The following FMR1 variants were observed in gnomAD, a reference collection of about 807,000 sequenced individuals.
The protein encoded by FMR1 is FMRP translational regulator 1.
A neutral mutation model predicts 50.6 loss-of-function variants in FMR1; 13 were observed. The observed-to-expected ratio is 0.26, with a 90% CI of 0.17 to 0.41. The LOEUF is 0.41. FMR1 is among the 10% of genes least tolerant of loss of function. The pLI, the probability that FMR1 is intolerant of heterozygous loss-of-function variation, is 1.00. For missense variants in FMR1, 316 were observed against 491.3 expected (o/e 0.64, Z 3.37); for synonymous variants, 138 against 164.1 (o/e 0.84, Z 1.22).
At chrX:147,925,469 T>C in intron 2 of FMR1, 71 bp from the exon 3 acceptor site, 1 of 804,529 alleles carries the variant, frequency 1.2e-6, no homozygotes, top group Non-Finnish European at 1.9e-6. Context: ...CAAAAGTTGA[T>C]GGCAGAGTGG....
rs1469017588 is a variant in FMR1 at position 147,916,669 on chromosome X, GTTTGTTTC to G, written c.51+4452_51+4459del. ...TTCATTTCTCTCCTTTGCTCCTTTA[GTTTGTTTC>G]TTTGTTTCTTTGGTTTGTTTCTTTG... On this transcript the variant is annotated intron_variant, in intron 1 of 16. Coordinates refer to ENST00000370475, the MANE Select transcript of FMR1 (RefSeq NM_002024.6). Among the ~76,000 whole-genome samples, 5 of 87,951 alleles carry G rather than the reference GTTTGTTTC, an allele frequency of 5.7e-5. No individual in the cohort carries two copies. In the South Asian group the frequency reaches 2.2e-3, roughly 38 times the overall value. The allele number at this position is 87,951 out of a possible 115,157, so 76.4% of individuals were successfully genotyped here.
intron 12 of FMR1, among the ~76,000 whole-genome samples, chrX:147,939,918 AAAAG>A (rs1352178954): frequency 1.9e-5 from 2 of 105,972 alleles, no homozygotes; most frequent in Non-Finnish European, 3.9e-5. Context: ...AAAAAAAAAA[AAAAG>A]AGGCGGAGGC....
chrX:147,912,839 C>G (rs1557174193), intron 1 of FMR1: 2 of 296,826 alleles, frequency 6.7e-6, no homozygotes, highest in East Asian at 9.5e-5. Flanking sequence ...AGTGGCTTCT[C>G]TTTGTGGATT....
chrX:147,915,014 G>A (rs73606765), intron 1 of FMR1, among the ~76,000 whole-genome samples: 1,133 of 111,406 alleles, frequency 0.01, 19 homozygotes, highest in African/African-American at 0.035. Context: ...TACTAAAGAT[G>A]GAAAAATCAC....
intron 3 of FMR1, among the ~76,000 whole-genome samples, chrX:147,926,913 G>A (rs782522885): frequency 9.8e-4 from 107 of 109,367 alleles, no homozygotes; most frequent in Admixed American, 7.9e-3. Context: ...GAGTCTTAAA[G>A]AAAAAAAAAG....
chrX:147,918,968 T>C (rs1276297790), intron 1 of FMR1, among the ~76,000 whole-genome samples: 2 of 111,376 alleles, frequency 1.8e-5, no homozygotes, highest in Non-Finnish European at 3.8e-5. Context: ...TAGTCTTGGG[T>C]AGATACTTGA....
chrX:147,932,322 G>A, intron 7 of FMR1, 103 bp from the exon 8 acceptor site: 1 of 712,165 alleles, frequency 1.4e-6, no homozygotes, highest in Non-Finnish European at 2.2e-6. Flanking sequence ...AATAATTTAT[G>A]GACCCCTCAT....
chrX:147,918,644 A>G, intron 1 of FMR1, among the ~76,000 whole-genome samples: 1 of 100,978 alleles, frequency 9.9e-6, no homozygotes, highest in Non-Finnish European at 2.0e-5. Flanking sequence ...GGAAATAAGC[A>G]AATGTAGATA....
Position 147,941,673 on chromosome X carries a change from A to AT in FMR1, c.1275+1020dup, listed in dbSNP as rs201515036. On this transcript the variant is annotated intron_variant, in intron 13 of 16. Transcript: ENST00000370475. ...TTTACATGGGTAGGATACCTCTTTG[A>AT]TTTTTTTTTAAGTATGTTTATGTGT... is the stretch of plus-strand genomic sequence containing the variant. Among the ~76,000 whole-genome samples, 135 of 92,598 alleles carry AT rather than the reference A, an allele frequency of 1.5e-3. 1 individual carries two copies. In the East Asian group the frequency reaches 0.041, roughly 28 times the overall value. The allele number at this position is 92,598 out of a possible 115,157, so 80.4% of individuals were successfully genotyped here. A position where few individuals can be genotyped will look rare whatever the true frequency, so the allele number is the denominator to read the frequency against.
chrX:147,945,062 C>G lies in FMR1; in HGVS notation c.1654+11C>G. 8.5e-7 allele frequency: 1 copy of G among 1,169,995 alleles called. No homozygotes were observed. Among genetic ancestry groups the G allele is most frequent in the Non-Finnish European group, 1.1e-6 (1 of 873,728 alleles). ...GAGGAGGCTTCAAAGGTATGGAGAT[C>G]TTCATTAAGAAATCAAAGTGAATTG... On this transcript the variant is annotated intron_variant, in intron 15 of 16. Transcript: ENST00000370475.
chrX:147,933,535 A>T, intron 9 of FMR1: 1 of 911,649 alleles, frequency 1.1e-6, no homozygotes, highest in African/African-American at 2.1e-5. Flanking sequence ...TATCACCATC[A>T]CCATCGTGAG....
At chrX:147,922,739 T>C (rs984952179) in intron 2 of FMR1, among the ~76,000 whole-genome samples, 1 of 111,776 alleles carries the variant, frequency 8.9e-6, no homozygotes, top group Non-Finnish European at 1.9e-5. Context: ...TTAACAGTTA[T>C]CATTTTTTTG....
chrX:147,912,345 G>C, intron 1 of FMR1, 115 bp downstream of exon 1: 1 of 702,945 alleles, frequency 1.4e-6, no homozygotes, highest in Admixed American at 2.9e-5. Flanking sequence ...CTGGGTGCCA[G>C]GGCACGCTCG....
At chrX:147,913,379 A>T (rs782275916) in intron 1 of FMR1, 11 of 112,252 alleles carry the variant, frequency 9.8e-5, no homozygotes, top group Admixed American at 9.4e-4. Flanking sequence ...TTCCTTTTGA[A>T]TGTCTATAAC....
At chrX:147,925,424 T>G (rs12837623) in intron 2 of FMR1, 116 bp from the exon 3 acceptor site, 1 of 586,171 alleles carries the variant, frequency 1.7e-6, no homozygotes, top group East Asian at 3.3e-5. Context: ...AAGCTTTTGC[T>G]TCTTGAAACT....
At chrX:147,932,306 A>G (rs1217952555) in intron 7 of FMR1, 119 bp from the exon 8 acceptor site, 1 of 647,698 alleles carries the variant, frequency 1.5e-6, no homozygotes, top group South Asian at 2.5e-5. Context: ...TTAACCTAAA[A>G]CTATTAATAA....
chrX:147,912,377 A>C (rs1180973111), intron 1 of FMR1, 147 bp downstream of exon 1: 3 of 535,695 alleles, frequency 5.6e-6, no homozygotes, highest in Admixed American at 6.3e-5. Flanking sequence ...TTGGGAGGGA[A>C]GGACTGGACT....
chrX:147,944,377 C>T (rs2044104189), intron 14 of FMR1: 1 of 754,030 alleles, frequency 1.3e-6, no homozygotes, highest in Non-Finnish European at 1.6e-6. Context: ...CACAAGAGAC[C>T]CTTCCCTGAA....
intron 10 of FMR1, among the ~76,000 whole-genome samples, chrX:147,936,867 T>G (rs1269343807): frequency 8.9e-6 from 1 of 111,780 alleles, no homozygotes; most frequent in African/African-American, 3.2e-5. Flanking sequence ...TTTTTAAATA[T>G]GAGACATACA....
Sources: allele counts gnomAD v4.1 joint callset (sites outside exome capture counted in the v4.1 genomes callset), GRCh38; gene constraint gnomAD v4.1.1; transcripts MANE v1.5; gene names NCBI Gene and HGNC (gene_info 2026-07-23, HGNC 2026-07-21).